Variants in KLHL18 observed in about 807,000 individuals in gnomAD.
KLHL18 encodes kelch-like protein 18.
Under a neutral mutation model 58.5 loss-of-function variants are expected in KLHL18, and 38 were observed. The ratio of observed to expected loss-of-function variants is 0.65; its 90% CI spans 0.50 to 0.85. KLHL18 has a LOEUF of 0.85. Ranked by LOEUF, KLHL18 falls within the 40% of genes least tolerant of loss-of-function variation. The pLI, the probability that KLHL18 is intolerant of heterozygous loss-of-function variation, is 0.00. For synonymous variants in KLHL18, 303 were observed against 301.9 expected, an observed-to-expected ratio of 1.00 and a Z score of -0.04; for missense variants, 624 against 778.4, an observed-to-expected ratio of 0.80 and a Z score of 2.36.
rs1703822016 is a variant in KLHL18 at position 47,330,134 on chromosome 3, C to G, written c.585C>G (p.Val195=). The G allele has an allele frequency of 6.2e-7, 1 of 1,613,902 alleles. No individual in the cohort carries two copies. The highest frequency in any genetic ancestry group is 1.1e-5 in the South Asian group (1 of 91,016). The change falls in exon 4 of 10, where the codon GTC becomes GTG. Residue 195 remains valine (V), a synonymous_variant. Transcript: ENST00000232766. ...TGGTGTCTCGGGATGAGCTGAATGT[C>G]AAATCTGAGGAGCAGGTATGTGAGC... ...LELVSRDELN[V]KSEEQVFEAA...
chr3:47,315,836 AT>A (rs1234023095), intron 1 of KLHL18, among the ~76,000 whole-genome samples: 1 of 152,236 alleles, frequency 6.6e-6, no homozygotes, highest in African/African-American at 2.4e-5. Flanking sequence ...CTCAGGAGAG[AT>A]TTGAGAAAAT....
At chr3:47,330,888 T>C (rs574295530) in intron 4 of KLHL18, among the ~76,000 whole-genome samples, 1 of 151,984 alleles carries the variant, frequency 6.6e-6, no homozygotes. Flanking sequence ...TGCACCACCA[T>C]GCCAGGCTAA....
chr3:47,309,077 C>A (rs959858484), intron 1 of KLHL18, among the ~76,000 whole-genome samples: 1 of 152,160 alleles, frequency 6.6e-6, no homozygotes, highest in African/African-American at 2.4e-5. Context: ...CAGAGAGCAC[C>A]GGGTTGGGGG....
chr3:47,324,372 T>G (rs1703666715), intron 3 of KLHL18, among the ~76,000 whole-genome samples: 1 of 140,306 alleles, frequency 7.1e-6, no homozygotes, highest in Admixed American at 7.4e-5. Context: ...TTACCACTGC[T>G]GAAATGACTC....
Position 47,333,732 on chromosome 3 carries a change from G to T in KLHL18, c.761+415G>T, listed in dbSNP as rs1021672061. ...AAATATTAGTCAGTGCTGTGGGCAT[G>T]GAGGGCCTCTGCCAGGTGTAGGCTT... On this transcript the variant is annotated intron_variant, in intron 5 of 9. Coordinates refer to ENST00000232766, the MANE Select transcript of KLHL18 (RefSeq NM_025010.5). 4.6e-5 allele frequency among the ~76,000 whole-genome samples: 7 copies of T among 152,240 alleles called. No individual in the cohort carries two copies. The East Asian group carries it at 5.8e-4, about 13-fold the overall frequency.
At chr3:47,297,471 A>G (rs951920379) in intron 1 of KLHL18, 7 of 438,744 alleles carry the variant, frequency 1.6e-5, no homozygotes, top group Non-Finnish European at 3.2e-5. Flanking sequence ...TTATTTCTTC[A>G]GGACTGGGAA....
At chr3:47,327,975 C>A (rs1241019022) in intron 3 of KLHL18, among the ~76,000 whole-genome samples, 1 of 152,190 alleles carries the variant, frequency 6.6e-6, no homozygotes, top group Non-Finnish European at 1.5e-5. Context: ...GAGAATCAGT[C>A]ATGGAGCCAA....
intron 1 of KLHL18, among the ~76,000 whole-genome samples, chr3:47,309,186 C>T (rs1350846343): frequency 6.6e-6 from 1 of 152,200 alleles, no homozygotes; most frequent in African/African-American, 2.4e-5. Context: ...ACAGACACAG[C>T]AACAATCTGA....
chr3:47,294,887 C>T (rs1338265893), intron 1 of KLHL18, among the ~76,000 whole-genome samples: 4 of 152,064 alleles, frequency 2.6e-5, no homozygotes, highest in African/African-American at 9.7e-5. Context: ...TGGCCGGAGC[C>T]AGAAGACTAA....
intron 5 of KLHL18, 136 bp downstream of exon 5, chr3:47,333,453 TCTGTCTA>T: frequency 2.4e-6 from 2 of 842,192 alleles, no homozygotes; most frequent in Non-Finnish European, 3.6e-6. Flanking sequence ...TGGTCTGCCC[TCTGTCTA>T]GAAGCTGGAA....
chr3:47,317,916 A>G (rs1181426748), intron 1 of KLHL18, among the ~76,000 whole-genome samples: 2 of 152,130 alleles, frequency 1.3e-5, no homozygotes, highest in Non-Finnish European at 2.9e-5. Context: ...CATCCCAGGC[A>G]GGAGTGCAGT....
chr3:47,283,729 A>G (rs187850544), intron 1 of KLHL18, among the ~76,000 whole-genome samples: 447 of 152,294 alleles, frequency 2.9e-3, no homozygotes, highest in Non-Finnish European at 5.1e-3. Context: ...TTAAGAGGGA[A>G]AGATATCTTA....
chr3:47,328,847 G>A (rs1395932948), intron 3 of KLHL18, among the ~76,000 whole-genome samples: 2 of 152,036 alleles, frequency 1.3e-5, no homozygotes, highest in East Asian at 3.9e-4. Context: ...TAGGCCCGTG[G>A]AGTCTCTTTC....
intron 1 of KLHL18, chr3:47,287,266 G>A (rs1446223580): frequency 6.6e-6 from 1 of 152,170 alleles, no homozygotes; most frequent in Non-Finnish European, 1.5e-5. Context: ...GTATCACACA[G>A]ACTCTGCAGC....
At chr3:47,339,265 C>T (rs761385445) in intron 7 of KLHL18, among the ~76,000 whole-genome samples, 8 of 151,828 alleles carry the variant, frequency 5.3e-5, no homozygotes, top group East Asian at 1.9e-4. Flanking sequence ...GAGGCTAAGG[C>T]GGGAGGATTG....
intron 6 of KLHL18, 49 bp from the exon 7 acceptor site, chr3:47,336,485 TA>T: frequency 6.7e-7 from 1 of 1,495,050 alleles, no homozygotes; most frequent in Non-Finnish European, 9.3e-7. Context: ...AGCTGTGCTC[TA>T]AACAAGTGGT....
chr3:47,326,346 T>C (rs1703721844), intron 3 of KLHL18, among the ~76,000 whole-genome samples: 1 of 152,210 alleles, frequency 6.6e-6, no homozygotes, highest in African/African-American at 2.4e-5. Context: ...AAGTCACCGC[T>C]TCCTGCCTCT....
intron 7 of KLHL18, chr3:47,338,451 G>A (rs897857059): frequency 9.8e-5 from 15 of 152,322 alleles, no homozygotes; most frequent in African/African-American, 3.4e-4. Context: ...TCCTCTTTCT[G>A]GCTGGTTCAG....
At chr3:47,316,891 T>C (rs1053755033) in intron 1 of KLHL18, among the ~76,000 whole-genome samples, 2 of 151,558 alleles carry the variant, frequency 1.3e-5, no homozygotes, top group Non-Finnish European at 2.9e-5. Context: ...GGAGGATTGC[T>C]TGAGCTCAGG....
Sources: allele counts gnomAD v4.1 joint callset (sites outside exome capture counted in the v4.1 genomes callset), GRCh38; gene constraint gnomAD v4.1.1; transcripts MANE v1.5; gene names NCBI Gene and HGNC (gene_info 2026-07-23, HGNC 2026-07-21).